Variants in HERC1 observed in about 807,000 individuals in gnomAD.
HERC1 encodes the protein probable E3 ubiquitin-protein ligase HERC1.
A neutral mutation model predicts 554.3 loss-of-function variants in HERC1; 160 were observed. The ratio of observed to expected loss-of-function variants is 0.29; its 90% CI spans 0.25 to 0.33. The LOEUF is 0.33. Ranked by LOEUF, HERC1 falls within the 10% of genes least tolerant of loss-of-function variation. The pLI, the probability that HERC1 is intolerant of heterozygous loss-of-function variation, is 1.00. For synonymous variants in HERC1, 2,175 were observed against 2,131.7 expected (o/e 1.02, Z -0.56); for missense variants, 4,919 against 5,918.5 (o/e 0.83, Z 5.54).
chr15:63,811,293 AG>A (rs2077299804), intron 1 of HERC1, among the ~76,000 whole-genome samples: 1 of 152,224 alleles, frequency 6.6e-6, no homozygotes, highest in Admixed American at 6.5e-5. Flanking sequence ...GGGAGAGGAC[AG>A]GGAGGATCAT....
At chr15:63,646,878 T>A (rs755790170) in intron 55 of HERC1, among the ~76,000 whole-genome samples, 2 of 151,910 alleles carry the variant, frequency 1.3e-5, no homozygotes, top group Non-Finnish European at 2.9e-5. Context: ...CTGGTAAAGA[T>A]GCTTTTACCA....
chr15:63,620,944 T>TC (rs1202189395), intron 74 of HERC1, among the ~76,000 whole-genome samples: 2 of 152,348 alleles, frequency 1.3e-5, no homozygotes, highest in South Asian at 4.1e-4. Context: ...TGACTCTTTA[T>TC]CCAATTTGCC....
chr15:63,787,826 G>C (rs922936607), intron 1 of HERC1, among the ~76,000 whole-genome samples: 1 of 151,708 alleles, frequency 6.6e-6, no homozygotes, highest in Non-Finnish European at 1.5e-5. Context: ...TTAACCGGGC[G>C]TGGTGGTGTA....
chr15:63,637,289 A>C (rs530479839), intron 64 of HERC1, among the ~76,000 whole-genome samples: 40 of 152,332 alleles, frequency 2.6e-4, no homozygotes, highest in African/African-American at 9.4e-4. Flanking sequence ...AGTGTTATTT[A>C]TATTTCACTG....
At chr15:63,823,702 T>C (rs1049273513) in intron 1 of HERC1, among the ~76,000 whole-genome samples, 1 of 152,156 alleles carries the variant, frequency 6.6e-6, no homozygotes, top group African/African-American at 2.4e-5. Context: ...TCCAAATGTC[T>C]TTGGGCATTT....
chr15:63,792,479 A>T (rs2076681462), intron 1 of HERC1, among the ~76,000 whole-genome samples: 1 of 152,218 alleles, frequency 6.6e-6, no homozygotes, highest in South Asian at 2.1e-4. Context: ...GCAAAGCAGA[A>T]TGAACGTGTG....
chr15:63,829,499 T>C (rs56076127), intron 1 of HERC1, among the ~76,000 whole-genome samples: 1,005 of 53,322 alleles, frequency 0.019, 18 homozygotes, highest in African/African-American at 0.05. Context: ...TATATATATA[T>C]ACACACACAC....
chr15:63,809,592 G>T (rs1339752715), intron 1 of HERC1, among the ~76,000 whole-genome samples: 1 of 152,144 alleles, frequency 6.6e-6, no homozygotes, highest in Non-Finnish European at 1.5e-5. Flanking sequence ...TGCAAAAGTT[G>T]AGTTGAGAAA....
Position 63,727,702 on chromosome 15 carries a change from T to C in HERC1, c.3291A>G (p.Arg1097=), listed in dbSNP as rs1465597633. 2 of 1,613,172 alleles carry C rather than the reference T, an allele frequency of 1.2e-6. No individual in the cohort carries two copies. The highest frequency in any genetic ancestry group is 1.1e-5 in the South Asian group (1 of 91,036). ...DLLPPLDCLN[R]LLPAADLLED... ...CTAAAAGATCAGCAGCTGGCAGGAG[T>C]CTATTAAGGCAATCAAGAGGTGGCA... The change falls in exon 17 of 78, where the codon AGA becomes AGG. Residue 1097 remains arginine (R), a synonymous_variant. Coordinates refer to ENST00000443617, the MANE Select transcript of HERC1 (RefSeq NM_003922.4). The surrounding 1 kb of genome is among the most constrained non-coding windows in gnomAD (Gnocchi z 4.3).
intron 32 of HERC1, 58 bp from the exon 33 acceptor site, chr15:63,689,757 GA>G (rs2071997599): frequency 9.6e-7 from 1 of 1,037,972 alleles, no homozygotes; most frequent in Admixed American, 2.5e-5. Context: ...AGTATTTTTA[GA>G]AAAGCTGTAT....
chr15:63,615,975 G>C, intron 75 of HERC1, 55 bp from the exon 76 acceptor site: 2 of 1,407,418 alleles, frequency 1.4e-6, no homozygotes, highest in Non-Finnish European at 1.9e-6. Flanking sequence ...ACAGCAAAAA[G>C]TATTTTACAT....
intron 1 of HERC1, among the ~76,000 whole-genome samples, chr15:63,783,878 C>T (rs1459096056): frequency 1.3e-5 from 2 of 151,912 alleles, no homozygotes; most frequent in Non-Finnish European, 2.9e-5. Flanking sequence ...CCATCCTGGC[C>T]AACATGGTGA....
rs2067478850 is a variant in HERC1, at chr15:63,609,014, A to G, written c.*67T>C. ...ACATCTATGTAGTTACCATAAAAGT[A>G]TATCAACATCAAATCAGAAGTGAGC... On this transcript the variant is annotated 3_prime_UTR_variant, in exon 78 of 78. Transcript: ENST00000443617. 9 of 1,392,760 alleles carry G rather than the reference A, an allele frequency of 6.5e-6. No homozygotes were observed. Among genetic ancestry groups the G allele is most frequent in the South Asian group, 5.5e-5 (4 of 72,386 alleles). The allele number at this position is 1,392,760 out of a possible 1,614,324, so 86.3% of individuals were successfully genotyped here.
At chr15:63,665,018 A>G (rs1265666565) in intron 42 of HERC1, among the ~76,000 whole-genome samples, 1 of 152,250 alleles carries the variant, frequency 6.6e-6, no homozygotes, top group Non-Finnish European at 1.5e-5. Flanking sequence ...AGCCTTGGTT[A>G]CTATATGGCT....
chr15:63,678,051 G>C lies in HERC1; in HGVS notation c.6864C>G (p.Leu2288=), dbSNP rs114554616. The C allele has an allele frequency of 6.2e-7, 1 of 1,613,896 alleles. No homozygotes were observed. Among genetic ancestry groups the C allele is most frequent in the Non-Finnish European group, 8.5e-7 (1 of 1,179,894 alleles). ...EEKGKHTRHG[L]ADLSELQLRT... is the part of the protein sequence containing the mutation. ...TCAGCTGCAGCTCTGAGAGGTCAGCGAGGCCATGCCTAGTATGTTTACCTT... is the reference window on the plus strand; with the variant it reads ...TCAGCTGCAGCTCTGAGAGGTCAGCCAGGCCATGCCTAGTATGTTTACCTT... The change falls in exon 37 of 78, where the codon CTC becomes CTG. Residue 2288 remains leucine (L), a synonymous_variant. Coordinates refer to ENST00000443617, the MANE Select transcript of HERC1 (RefSeq NM_003922.4).
Position 63,655,722 on chromosome 15 carries a change from T to A in HERC1, c.10084+20A>T. The A allele has an allele frequency of 2.7e-6, 4 of 1,484,454 alleles. No homozygotes were observed. The highest frequency in any genetic ancestry group is 2.8e-6 in the Non-Finnish European group (3 of 1,087,204). The allele number at this position is 1,484,454 out of a possible 1,614,324, so 92.0% of individuals were successfully genotyped here. On this transcript the variant is annotated intron_variant, in intron 50 of 77. Transcript: ENST00000443617. ...AGAAGTCGATTAGAAGACTGTATGT[T>A]TCAGTAGTATGAAACTTACCTTTCT...
At chr15:63,818,119 C>A (rs888083149) in intron 1 of HERC1, among the ~76,000 whole-genome samples, 12 of 152,004 alleles carry the variant, frequency 7.9e-5, no homozygotes, top group Admixed American at 5.9e-4. Flanking sequence ...TTAACAATAT[C>A]TAACCAATTT....
At chr15:63,635,792 A>C (rs1157664922) in intron 65 of HERC1, among the ~76,000 whole-genome samples, 169 bp downstream of exon 65, 3 of 152,206 alleles carry the variant, frequency 2.0e-5, no homozygotes, top group African/African-American at 7.2e-5. Context: ...AAGCCTATTC[A>C]AACTTCTGAC....
rs569257675 is a variant in HERC1 at position 63,617,772 on chromosome 15, T to C, written c.13689-1090A>G. Among the ~76,000 whole-genome samples, 153 of 152,324 alleles carry C rather than the reference T, an allele frequency of 1.0e-3. 1 individual carries two copies. Among genetic ancestry groups the C allele is most frequent in the African/African-American group, 3.6e-3 (149 of 41,582 alleles). On this transcript the variant is annotated intron_variant, in intron 74 of 77. Transcript: ENST00000443617. ...CTCTGATGGCCAGTGATGATGAGCA[T>C]TTTTTCATGTGTCTTTTGGCTGCAT...
Sources: gnomAD v4.1 joint callset for allele counts (sites outside exome capture counted in the v4.1 genomes callset) on GRCh38, gnomAD v4.1.1 for gene constraint, Gnocchi (gnomAD v3.1) non-coding constraint, MANE v1.5 for transcripts, NCBI Gene and HGNC (gene_info 2026-07-23, HGNC 2026-07-21) for gene names.